Variants in ZNF462 observed in about 807,000 individuals in gnomAD.
ZNF462 encodes zinc finger protein 462, also known as zinc finger PBX1-interacting protein.
Under a neutral mutation model 201.9 loss-of-function variants are expected in ZNF462, and 10 were observed. The ratio of observed to expected loss-of-function variants is 0.05; its 90% CI spans 0.03 to 0.08. The LOEUF (loss-of-function observed/expected upper bound fraction) is 0.08. ZNF462 is among the 10% of genes least tolerant of loss of function. The pLI, the probability that ZNF462 is intolerant of heterozygous loss-of-function variation, is 1.00. For synonymous variants in ZNF462, 1,227 were observed against 1,193.3 expected, an observed-to-expected ratio of 1.03 and a Z score of -0.58; for missense variants, 2,523 against 3,168.3, an observed-to-expected ratio of 0.80 and a Z score of 4.89.
Position 106,970,501 on chromosome 9 carries a change from T to C in ZNF462, c.6428-1504T>C, listed in dbSNP as rs1044228770. ...ATATGGGTTTTAGAGAATTCCTCCA[T>C]GTCCTGCCTTAGGGAATTATGCTTT... On this transcript the variant is annotated intron_variant, in intron 7 of 12. Transcript: ENST00000277225. The surrounding 1 kb of genome is among the most constrained non-coding windows in gnomAD (Gnocchi z 4.2). Among the ~76,000 whole-genome samples, 8 of 152,212 alleles carry C rather than the reference T, an allele frequency of 5.3e-5. No individual in the cohort carries two copies. The highest frequency in any genetic ancestry group is 8.8e-5 in the Non-Finnish European group (6 of 68,040).
chr9:106,913,950 G>A lies in ZNF462; in HGVS notation c.-30-9404G>A, dbSNP rs987561372. 2.7e-5 allele frequency among the ~76,000 whole-genome samples: 4 copies of A among 150,024 alleles called. 1 individual carries two copies. Among genetic ancestry groups the A allele is most frequent in the Admixed American group, 6.7e-5 (1 of 14,952 alleles). ...TTGCCCCTTACTCACAAAACTCACA[G>A]GATTATCAACTGTGCAAAGGTGGAT... On this transcript the variant is annotated intron_variant, in intron 1 of 12. Coordinates refer to ENST00000277225, the MANE Select transcript of ZNF462 (RefSeq NM_021224.6). This position sits in a 1 kb window ranked among gnomAD's most constrained non-coding sequence, Gnocchi z 4.1.
intron 10 of ZNF462, among the ~76,000 whole-genome samples, chr9:106,987,663 TTAAG>T (rs1827957925): frequency 1.3e-5 from 2 of 152,212 alleles, no homozygotes; most frequent in East Asian, 1.9e-4. Flanking sequence ...GCTCTTTAGT[TTAAG>T]TAAGTCCCAA....
rs1033581138 is a variant in ZNF462, at chr9:106,870,940, C to T, written c.-31+7585C>T. Among the ~76,000 whole-genome samples, 1 of 152,086 alleles carries T rather than the reference C, an allele frequency of 6.6e-6. No individual in the cohort carries two copies. The highest frequency in any genetic ancestry group is 1.5e-5 in the Non-Finnish European group (1 of 68,014). ...CTGTTCAGATTTAAGAAGGTAATGC[C>T]ATTATTCTTCAGTTTTGCTCATGTC... On this transcript the variant is annotated intron_variant, in intron 1 of 12. Transcript: ENST00000277225. The surrounding 1 kb of genome is among the most constrained non-coding windows in gnomAD (Gnocchi z 4.3).
At chr9:106,941,435 G>A (rs188405829) in intron 7 of ZNF462, among the ~76,000 whole-genome samples, 7 of 152,126 alleles carry the variant, frequency 4.6e-5, no homozygotes, top group African/African-American at 7.2e-5. Context: ...ACAAAGTGAC[G>A]TTGAGTAGCT....
chr9:106,939,193 A>C, intron 7 of ZNF462, 86 bp downstream of exon 7: 3 of 1,331,054 alleles, frequency 2.3e-6, no homozygotes, highest in Non-Finnish European at 3.1e-6. Flanking sequence ...TTAGAGGAAA[A>C]TCTTATGTGA....
chr9:106,862,382 C>T (rs912088059), upstream of ZNF462, among the ~76,000 whole-genome samples: 1 of 152,132 alleles, frequency 6.6e-6, no homozygotes, highest in Non-Finnish European at 1.5e-5. This position sits in a 1 kb window ranked among gnomAD's most constrained non-coding sequence, Gnocchi z 4.2. Context: ...AGCTGCCGGG[C>T]AGGGTCCTCA....
At position 106,876,422 on chromosome 9, in the gene ZNF462, G is replaced by A. The variant is rs1291594034; in HGVS notation, c.-31+13067G>A. Among the ~76,000 whole-genome samples, 1 of 152,080 alleles carries A rather than the reference G, an allele frequency of 6.6e-6. No homozygotes were observed. Among genetic ancestry groups the A allele is most frequent in the Non-Finnish European group, 1.5e-5 (1 of 67,998 alleles). On this transcript the variant is annotated intron_variant, in intron 1 of 12. Coordinates refer to ENST00000277225, the MANE Select transcript of ZNF462 (RefSeq NM_021224.6). This position sits in a 1 kb window ranked among gnomAD's most constrained non-coding sequence, Gnocchi z 4.9. ...TCAGTATATTAGGTATTTTGTTCTT[G>A]GTCTTAAAGTCAGCTTTTGGAATCC...
rs1040384115 is a variant in ZNF462, at chr9:106,923,744, A to G, written c.220+141A>G. On this transcript the variant is annotated intron_variant, in intron 2 of 12. Transcript: ENST00000277225. The surrounding 1 kb of genome is among the most constrained non-coding windows in gnomAD (Gnocchi z 5.6). Reference sequence around the variant, plus strand: ...TAGCCATTTTTGTGGTTTGGGCATCATGTATCTCTCCTTGAGTACCTTAGG... The same window carrying G: ...TAGCCATTTTTGTGGTTTGGGCATCGTGTATCTCTCCTTGAGTACCTTAGG... The G allele has an allele frequency of 2.6e-6, 2 of 779,722 alleles. No homozygotes were observed. The highest frequency in any genetic ancestry group is 4.1e-6 in the Non-Finnish European group (2 of 490,664). 48.3% of individuals were successfully genotyped at this position (779,722 alleles called of 1,614,324 possible).
chr9:106,882,508 C>T (rs1467691300), intron 1 of ZNF462, among the ~76,000 whole-genome samples: 1 of 152,186 alleles, frequency 6.6e-6, no homozygotes, highest in Non-Finnish European at 1.5e-5. Context: ...CCCATCTCTA[C>T]AATCCATATT....
chr9:106,864,098 CT>C lies in ZNF462; in HGVS notation c.-31+744del, dbSNP rs1564062761. The stretch of plus-strand genomic sequence containing the variant: ...TCTCTCTCTCTCTCTCTCTCTCTCT[CT>C]CTCTCTCTCTCCCTCTCCCCGAAGT... On this transcript the variant is annotated intron_variant, in intron 1 of 12. Coordinates refer to ENST00000277225, the MANE Select transcript of ZNF462 (RefSeq NM_021224.6). 1.6e-3 allele frequency among the ~76,000 whole-genome samples: 203 copies of C among 126,312 alleles called. 11 individuals are homozygous for C. The highest frequency in any genetic ancestry group is 1.6e-3 in the South Asian group (6 of 3,764). The allele number at this position is 126,312 out of a possible 152,430, so 82.9% of individuals were successfully genotyped here. A position where few individuals can be genotyped will look rare whatever the true frequency, so the allele number is the denominator to read the frequency against.
At position 107,008,187 on chromosome 9, in the gene ZNF462, C is replaced by G. The variant is rs973708404; in HGVS notation, c.7190-1358C>G. Among the ~76,000 whole-genome samples the G allele has an allele frequency of 6.6e-6, 1 of 152,172 alleles. No individual in the cohort carries two copies. The highest frequency in any genetic ancestry group is 2.4e-5 in the African/African-American group (1 of 41,430). On this transcript the variant is annotated intron_variant, in intron 11 of 12. Transcript: ENST00000277225. The surrounding 1 kb of genome is among the most constrained non-coding windows in gnomAD (Gnocchi z 4.8). ...AGTCAGGAAGGCATTCTGTTGATTT[C>G]TTGCCCAAGATAATCCCTGCTAAGG...
rs756673794 is a variant in ZNF462, at chr9:106,927,005, T to C, written c.3093T>C (p.Asp1031=). 6 of 1,614,094 alleles carry C rather than the reference T, an allele frequency of 3.7e-6. No homozygotes were observed. The highest frequency in any genetic ancestry group is 5.1e-6 in the Non-Finnish European group (6 of 1,180,050). The change falls in exon 3 of 13, where the codon GAT becomes GAC. Residue 1031 remains aspartate, a synonymous_variant. Coordinates refer to ENST00000277225, the MANE Select transcript of ZNF462 (RefSeq NM_021224.6). ...TGGTCAACACTGTTGTTGTTTATGA[T>C]TGTGATGTTTGTTCGTTTGCAAGCC... ...DPLVNTVVVY[D]CDVCSFASPN... is the part of the protein sequence containing the mutation.
At position 106,932,267 on chromosome 9, in the gene ZNF462, A is replaced by G. The variant is rs1373332720; in HGVS notation, c.6013-179A>G. On this transcript the variant is annotated intron_variant, in intron 4 of 12. Transcript: ENST00000277225. The surrounding 1 kb of genome is among the most constrained non-coding windows in gnomAD (Gnocchi z 6.8). ...GTGTGTGTGTGGTTCTCTTAGCAGG[A>G]GGCGGATGACCCTGCCCACTTGTTC... 1 of 1,550,886 alleles carries G rather than the reference A, an allele frequency of 6.4e-7. No homozygotes were observed. Among genetic ancestry groups the G allele is most frequent in the East Asian group, 2.4e-5 (1 of 40,924 alleles).
chr9:106,891,568 A>G (rs542015906), intron 1 of ZNF462, among the ~76,000 whole-genome samples: 1 of 152,308 alleles, frequency 6.6e-6, no homozygotes, highest in South Asian at 2.1e-4. Context: ...CAAGCCTAAG[A>G]AAAGGACATT....
intron 6 of ZNF462, among the ~76,000 whole-genome samples, chr9:106,936,281 G>C (rs531637993): frequency 6.6e-6 from 1 of 151,920 alleles, no homozygotes; most frequent in East Asian, 1.9e-4. Context: ...TGCACTAGGC[G>C]TGTTATATGC....
intron 1 of ZNF462, among the ~76,000 whole-genome samples, chr9:106,893,141 A>C (rs1457515720): frequency 1.3e-5 from 2 of 152,240 alleles, no homozygotes; most frequent in East Asian, 3.8e-4. Flanking sequence ...CATTATATAA[A>C]TGTGTTCTTC....
chr9:106,995,110 A>G (rs1207943199), intron 10 of ZNF462, among the ~76,000 whole-genome samples: 1 of 152,070 alleles, frequency 6.6e-6, no homozygotes, highest in Non-Finnish European at 1.5e-5. Context: ...TTAACTGGCC[A>G]GCCACAAAGC....
At chr9:106,994,730 A>T (rs904912264) in intron 10 of ZNF462, among the ~76,000 whole-genome samples, 1 of 152,126 alleles carries the variant, frequency 6.6e-6, no homozygotes, top group African/African-American at 2.4e-5. Context: ...ACCGTTTTTC[A>T]GAGGGGTGTG....
chr9:106,874,678 T>C (rs1222400206), intron 1 of ZNF462, among the ~76,000 whole-genome samples: 1 of 152,256 alleles, frequency 6.6e-6, no homozygotes, highest in Non-Finnish European at 1.5e-5. Context: ...GGTGGAATTG[T>C]ATCCTTCCAC....
Sources: allele counts gnomAD v4.1 joint callset (sites outside exome capture counted in the v4.1 genomes callset), GRCh38; gene constraint gnomAD v4.1.1; non-coding constraint Gnocchi (gnomAD v3.1); transcripts MANE v1.5; gene names NCBI Gene and HGNC (gene_info 2026-07-23, HGNC 2026-07-21).